Variants in CLSTN2 observed in about 807,000 individuals in gnomAD.
CLSTN2 encodes calsyntenin-2.
CLSTN2 carries 48 observed loss-of-function variants against 101.2 expected under a neutral mutation model. That is an observed-to-expected ratio of 0.47 (90% CI 0.38 to 0.60). CLSTN2 has a LOEUF of 0.60. Ranked by LOEUF, CLSTN2 falls within the 20% of genes least tolerant of loss-of-function variation. The pLI is 0.00. For missense variants in CLSTN2, 1,160 were observed against 1,238.2 expected, an observed-to-expected ratio of 0.94 and a Z score of 0.95; for synonymous variants, 481 against 463.6, an observed-to-expected ratio of 1.04 and a Z score of -0.48.
At chr3:139,998,667 T>C (rs2006746853) in intron 1 of CLSTN2, among the ~76,000 whole-genome samples, 1 of 152,012 alleles carries the variant, frequency 6.6e-6, no homozygotes, top group African/African-American at 2.4e-5. Flanking sequence ...TTCCCTAAAG[T>C]CTGCAGTCAG....
At chr3:140,223,341 G>A (rs534425982) in intron 2 of CLSTN2, among the ~76,000 whole-genome samples, 1 of 152,314 alleles carries the variant, frequency 6.6e-6, no homozygotes, top group Admixed American at 6.5e-5. Context: ...GCAGGGCAAT[G>A]CCTAGCTAAG....
chr3:140,291,282 T>G (rs1295314225), intron 2 of CLSTN2, among the ~76,000 whole-genome samples: 1 of 151,396 alleles, frequency 6.6e-6, no homozygotes, highest in Non-Finnish European at 1.5e-5. Flanking sequence ...CTCCTCACTT[T>G]ATTACTCTCT....
chr3:140,272,923 G>C (rs1011102290), intron 2 of CLSTN2, among the ~76,000 whole-genome samples: 4 of 152,074 alleles, frequency 2.6e-5, no homozygotes, highest in African/African-American at 9.7e-5. Context: ...GAAGGAAGTA[G>C]CTCTTGCAGT....
chr3:140,408,006 G>A (rs1030297499), intron 4 of CLSTN2, among the ~76,000 whole-genome samples: 23 of 152,134 alleles, frequency 1.5e-4, no homozygotes, highest in African/African-American at 4.8e-4. Flanking sequence ...TTCATTCCCC[G>A]ACAAAGTACA....
At chr3:140,552,807 A>C (rs145879337) in intron 10 of CLSTN2, among the ~76,000 whole-genome samples, 121 of 152,286 alleles carry the variant, frequency 7.9e-4, no homozygotes, top group African/African-American at 2.8e-3. Context: ...AATCTGCTGG[A>C]GGATGCAGAC....
At chr3:140,501,222 T>C (rs1483156859) in intron 8 of CLSTN2, among the ~76,000 whole-genome samples, 4 of 152,196 alleles carry the variant, frequency 2.6e-5, no homozygotes, top group Admixed American at 2.6e-4. Context: ...GTTCCTGAAA[T>C]TCCATCGCTT....
intron 2 of CLSTN2, among the ~76,000 whole-genome samples, chr3:140,287,659 G>C (rs1196546357): frequency 2.0e-5 from 3 of 152,060 alleles, no homozygotes; most frequent in African/African-American, 7.2e-5. Context: ...TGGAATACTT[G>C]GTATATGTAA....
At chr3:140,517,833 G>A (rs752873486) in intron 8 of CLSTN2, among the ~76,000 whole-genome samples, 3 of 152,174 alleles carry the variant, frequency 2.0e-5, no homozygotes, top group African/African-American at 4.8e-5. Context: ...GACAGCATCA[G>A]CTGTGGTGGT....
At position 140,571,274 on chromosome 3, in the gene CLSTN2, T is replaced by C. The variant is rs893861134; in HGVS notation, c.*5021T>C. The C allele has an allele frequency of 6.6e-6, 1 of 152,188 alleles. No individual in the cohort carries two copies. The highest frequency in any genetic ancestry group is 1.5e-5 in the Non-Finnish European group (1 of 68,026). 9.4% of individuals were successfully genotyped at this position (152,188 alleles called of 1,614,324 possible). A position where few individuals can be genotyped will look rare whatever the true frequency, so the allele number is the denominator to read the frequency against. Reference sequence around the variant, plus strand: ...TTTGAATCAATAGCAACATCATCAGTAGAAAGCCCGACCAAGCACACTTCG... The same window carrying C: ...TTTGAATCAATAGCAACATCATCAGCAGAAAGCCCGACCAAGCACACTTCG... On this transcript the variant is annotated 3_prime_UTR_variant, in exon 17 of 17. Transcript: ENST00000458420.
rs185299133 is a variant in CLSTN2, at chr3:139,955,642, C to T, written c.109+20159C>T. 1.2e-3 allele frequency among the ~76,000 whole-genome samples: 189 copies of T among 152,404 alleles called. 2 individuals carry two copies. The highest frequency in any genetic ancestry group is 4.4e-3 in the African/African-American group (184 of 41,592). ...CAGTGCACAGGGACTTCTGTGGATTCAGCTGAGTCCCTCTTCGAAGTCATC... is the reference window on the plus strand; with the variant it reads ...CAGTGCACAGGGACTTCTGTGGATTTAGCTGAGTCCCTCTTCGAAGTCATC... On this transcript the variant is annotated intron_variant, in intron 1 of 16. Transcript: ENST00000458420.
chr3:140,458,187 G>C (rs1553745143), intron 6 of CLSTN2, among the ~76,000 whole-genome samples: 3 of 144,904 alleles, frequency 2.1e-5, no homozygotes, highest in Non-Finnish European at 4.5e-5. Flanking sequence ...TTTTTTTGTA[G>C]TGGCTGACTT....
chr3:140,492,745 C>A (rs886090543), intron 8 of CLSTN2, among the ~76,000 whole-genome samples: 1 of 152,064 alleles, frequency 6.6e-6, no homozygotes, highest in Admixed American at 6.5e-5. Flanking sequence ...GTATTATTTC[C>A]TACTATATCC....
intron 2 of CLSTN2, among the ~76,000 whole-genome samples, chr3:140,196,137 C>T (rs372660300): frequency 1.3e-5 from 2 of 152,188 alleles, no homozygotes; most frequent in Non-Finnish European, 2.9e-5. Context: ...TGCCTGGGAA[C>T]AGCCACACTA....
intron 11 of CLSTN2, among the ~76,000 whole-genome samples, chr3:140,558,164 C>T (rs757222778): frequency 2.0e-5 from 3 of 152,170 alleles, no homozygotes; most frequent in Non-Finnish European, 2.9e-5. Context: ...ATTACAATAG[C>T]ACTTTGCTCT....
chr3:140,418,247 A>G (rs1330884938), intron 4 of CLSTN2, among the ~76,000 whole-genome samples: 2 of 152,148 alleles, frequency 1.3e-5, no homozygotes, highest in South Asian at 2.1e-4. Flanking sequence ...TATAAGTTTG[A>G]GTGTTACCAA....
At chr3:140,256,498 A>G (rs1329458977) in intron 2 of CLSTN2, among the ~76,000 whole-genome samples, 1 of 152,236 alleles carries the variant, frequency 6.6e-6, no homozygotes, top group Non-Finnish European at 1.5e-5. Flanking sequence ...TTAATGAGAT[A>G]AAATGAGAAA....
At chr3:140,155,854 C>T (rs376240072) in intron 1 of CLSTN2, among the ~76,000 whole-genome samples, 1 of 152,232 alleles carries the variant, frequency 6.6e-6, no homozygotes. Context: ...CAATTCAGTG[C>T]ATTGAGATTG....
intron 2 of CLSTN2, among the ~76,000 whole-genome samples, chr3:140,211,804 C>T (rs935080545): frequency 6.6e-6 from 1 of 151,874 alleles, no homozygotes; most frequent in African/African-American, 2.4e-5. Context: ...TCCAGTGAAT[C>T]AGTAAAAGAT....
rs1170215261 is a variant in CLSTN2 at position 140,197,550 on chromosome 3, A to T, written c.232+21477A>T. Among the ~76,000 whole-genome samples the T allele has an allele frequency of 2.0e-5, 3 of 152,206 alleles. No homozygotes were observed. In the East Asian group the frequency reaches 5.8e-4, roughly 29 times the overall value. ...AGGTAAATGTTAGAGTGCAGTTCAC[A>T]TAGATGGGCATTACTCGTTCTGATC... On this transcript the variant is annotated intron_variant, in intron 2 of 16. Coordinates refer to ENST00000458420, the MANE Select transcript of CLSTN2 (RefSeq NM_022131.3).
Sources: gnomAD v4.1 joint callset for allele counts (sites outside exome capture counted in the v4.1 genomes callset) on GRCh38, gnomAD v4.1.1 for gene constraint, MANE v1.5 for transcripts, NCBI Gene and HGNC (gene_info 2026-07-23, HGNC 2026-07-21) for gene names.